The following F8 variants were observed in gnomAD, a reference collection of about 807,000 sequenced individuals.
F8 encodes the protein coagulation factor VIII, also known as antihemophilic factor.
In F8, 12 loss-of-function variants were observed where a neutral mutation model predicts 140.6. The ratio of observed to expected loss-of-function variants is 0.09; its 90% CI spans 0.05 to 0.14. The LOEUF is 0.14. F8 is among the 10% of genes least tolerant of loss of function. The probability of loss-of-function intolerance (pLI) is 1.00; values close to 1 mark genes in which losing one functional copy is unlikely to be tolerated. For missense variants in F8, 1,354 were observed against 1,720.7 expected (o/e 0.79, Z 3.77); for synonymous variants, 585 against 614.6 (o/e 0.95, Z 0.71).
At chrX:154,979,484 G>A (rs1214684547) in intron 6 of F8, among the ~76,000 whole-genome samples, 2 of 111,120 alleles carry the variant, frequency 1.8e-5, no homozygotes, top group African/African-American at 6.6e-5. Flanking sequence ...GCAGGGGTGG[G>A]GTGATACCGA....
chrX:154,987,345 A>G, intron 4 of F8, 40 bp from the exon 5 acceptor site: 1 of 1,119,729 alleles, frequency 8.9e-7, no homozygotes, highest in Middle Eastern at 2.5e-4. Flanking sequence ...TATTTAAAAA[A>G]TCTCATTGTA....
At chrX:154,943,846 GC>G (rs2073285376) in intron 13 of F8, among the ~76,000 whole-genome samples, 1 of 111,239 alleles carries the variant, frequency 9.0e-6, no homozygotes, top group Non-Finnish European at 1.9e-5. Flanking sequence ...ACAGAACAGA[GC>G]CCTCAGAAAT....
intron 3 of F8, among the ~76,000 whole-genome samples, chrX:154,993,880 A>T (rs1442212702): frequency 8.9e-6 from 1 of 112,335 alleles, no homozygotes; most frequent in Non-Finnish European, 1.9e-5. Flanking sequence ...GGTGGGGGAC[A>T]TAGACATATA....
intron 22 of F8, among the ~76,000 whole-genome samples, chrX:154,876,477 A>G (rs987413634): frequency 8.9e-6 from 1 of 111,868 alleles, no homozygotes; most frequent in East Asian, 2.8e-4. Flanking sequence ...GGAATAGAAA[A>G]TATTAATAAA....
chrX:154,860,618 A>G lies in F8; in HGVS notation c.6724-10T>C. The G allele has an allele frequency of 8.3e-7, 1 of 1,209,631 alleles. No individual in the cohort carries two copies. Among genetic ancestry groups the G allele is most frequent in the Non-Finnish European group, 1.1e-6 (1 of 893,573 alleles). On this transcript the variant is annotated splice_polypyrimidine_tract_variant and intron_variant, in intron 24 of 25. Coordinates refer to ENST00000360256, the MANE Select transcript of F8 (RefSeq NM_000132.4). The stretch of plus-strand genomic sequence containing the variant: ...CTTTTGGATTATTCACCTGAGGGCA[A>G]TAGAGTTGGACTAGTAGCCTCTTGG...
Position 154,931,142 on chromosome X carries a change from C to T in F8, c.2648G>A (p.Gly883Glu), listed in dbSNP as rs782791141. 1.7e-6 allele frequency: 2 copies of T among 1,210,679 alleles called. No individual in the cohort carries two copies. Among genetic ancestry groups the T allele is most frequent in the East Asian group, 5.9e-5 (2 of 33,848 alleles). Residue 883 changes from glycine (G) to glutamate (E), a missense_variant, in exon 14 of 26, where the codon GGG becomes GAG. By Grantham distance (98) the Gly-to-Glu change is moderately conservative. Coordinates refer to ENST00000360256, the MANE Select transcript of F8 (RefSeq NM_000132.4). The part of the protein sequence containing the change: ...GLQLRLNEKL[G>E]TTAATELKKL... ...CTTCAACTCTGTTGCTGCAGTTGTCCCCAGTTTCTCATTTAATCTTAATTG... is the reference window on the plus strand; with the variant it reads ...CTTCAACTCTGTTGCTGCAGTTGTCTCCAGTTTCTCATTTAATCTTAATTG...
intron 25 of F8, among the ~76,000 whole-genome samples, chrX:154,846,336 C>T (rs2072565956): frequency 9.0e-6 from 1 of 111,507 alleles, no homozygotes; most frequent in African/African-American, 3.3e-5. Flanking sequence ...CCTGGATATC[C>T]TTGTTAACTT....
In F8 at chrX:154,893,381, T is replaced by A. The variant is rs2072958949; in HGVS notation, c.6429+2696A>T. 2.7e-5 allele frequency among the ~76,000 whole-genome samples: 3 copies of A among 112,536 alleles called. No individual in the cohort carries two copies. In the Admixed American group the frequency reaches 2.8e-4, roughly 11 times the overall value. On this transcript the variant is annotated intron_variant, in intron 22 of 25. Transcript: ENST00000360256. ...ATTTTACAGGGTTTAACTTTTTGTT[T>A]GTTGACAATCCCTAAACCTGAAAGG...
At position 154,947,916 on chromosome X, in the gene F8, A is replaced by G; in HGVS notation, c.1904-9T>C. 1 of 1,184,684 alleles carries G rather than the reference A, an allele frequency of 8.4e-7. No homozygotes were observed. Among genetic ancestry groups the G allele is most frequent in the Non-Finnish European group, 1.1e-6 (1 of 870,896 alleles). On this transcript the variant is annotated splice_polypyrimidine_tract_variant and intron_variant, in intron 12 of 25. Transcript: ENST00000360256. ...AACATAGCCATTGATGCCTGCAAAA[A>G]CAATGGGGAAAAGAGATTTAGACAC...
In F8 at chrX:154,963,149, TC is replaced by T. The variant is rs201656587; in HGVS notation, c.1444-1982del. Reference sequence around the variant, plus strand: ...TTGTAGGTCTCCTTGAAGAGGTCCTTCATATCCCTTGTAAGTTGGATTCCTA... The same window carrying T: ...TTGTAGGTCTCCTTGAAGAGGTCCTTATATCCCTTGTAAGTTGGATTCCTA... On this transcript the variant is annotated intron_variant, in intron 9 of 25. Coordinates refer to ENST00000360256, the MANE Select transcript of F8 (RefSeq NM_000132.4). Among the ~76,000 whole-genome samples, 36 of 111,778 alleles carry T rather than the reference TC, an allele frequency of 3.2e-4. 1 individual carries two copies. In the East Asian group the frequency reaches 8.4e-3, roughly 26 times the overall value.
chrX:154,935,101 G>A (rs1377587471), intron 13 of F8, among the ~76,000 whole-genome samples: 2 of 110,996 alleles, frequency 1.8e-5, no homozygotes. Flanking sequence ...GGTTGAGGCT[G>A]CAGTGAGCCA....
intron 22 of F8, chrX:154,886,035 A>C: frequency 2.1e-6 from 1 of 474,338 alleles, no homozygotes; most frequent in Non-Finnish European, 3.0e-6. Context: ...CGTTTGGGTC[A>C]TGTTCAGATG....
intron 13 of F8, among the ~76,000 whole-genome samples, chrX:154,939,401 T>C (rs1334193299): frequency 8.9e-6 from 1 of 112,443 alleles, no homozygotes; most frequent in East Asian, 2.8e-4. Flanking sequence ...CCTACGCCCA[T>C]GGAGCCTTGC....
At position 154,969,431 on chromosome X, in the gene F8, C is replaced by T. The variant is rs782276776; in HGVS notation, c.909G>A (p.Ala303=). 2.5e-5 allele frequency: 30 copies of T among 1,209,479 alleles called. No individual in the cohort carries two copies. The highest frequency in any genetic ancestry group is 8.9e-5 in the East Asian group (3 of 33,760). Residue 303 remains alanine, a synonymous_variant, in exon 7 of 26, where the codon GCG becomes GCA. Coordinates refer to ENST00000360256, the MANE Select transcript of F8 (RefSeq NM_000132.4). ...AAGTTATTGGCGAGATTTCCAAGGA[C>T]GCCTGGCGATGGTTCCTCACAAGAA... ...HTFLVRNHRQ[A]SLEISPITFL...
At chrX:155,010,330 C>T (rs1194726668) in intron 1 of F8, among the ~76,000 whole-genome samples, 2 of 111,960 alleles carry the variant, frequency 1.8e-5, no homozygotes, top group Non-Finnish European at 3.8e-5. Context: ...TGTTCTTTCA[C>T]ATTTTATCTA....
intron 1 of F8, among the ~76,000 whole-genome samples, chrX:155,013,298 T>G (rs2124165406): frequency 9.1e-6 from 1 of 109,939 alleles, no homozygotes; most frequent in Non-Finnish European, 1.9e-5. Flanking sequence ...GGCAGTGGGG[T>G]TTTCCCATGC....
At chrX:154,932,889 A>G (rs1334240105) in intron 13 of F8, among the ~76,000 whole-genome samples, 1 of 111,204 alleles carries the variant, frequency 9.0e-6, no homozygotes, top group Non-Finnish European at 1.9e-5. Flanking sequence ...AAAGGAATAC[A>G]TTATATGATG....
intron 22 of F8, among the ~76,000 whole-genome samples, chrX:154,895,328 G>A (rs2072973352): frequency 8.9e-6 from 1 of 112,116 alleles, no homozygotes; most frequent in African/African-American, 3.2e-5. Context: ...GTCATTTGAA[G>A]ACTTTGAACT....
At chrX:154,898,250 G>A (rs1182012397) in intron 21 of F8, among the ~76,000 whole-genome samples, 1 of 110,128 alleles carries the variant, frequency 9.1e-6, no homozygotes, top group Non-Finnish European at 1.9e-5. Context: ...TCCCTTCCTT[G>A]TCAGCACCCC....
Sources: gnomAD v4.1 joint callset for allele counts (sites outside exome capture counted in the v4.1 genomes callset) on GRCh38, gnomAD v4.1.1 for gene constraint, MANE v1.5 for transcripts, NCBI Gene and HGNC (gene_info 2026-07-23, HGNC 2026-07-21) for gene names.